The following DNAJC13 variants were observed in gnomAD, a reference collection of about 807,000 sequenced individuals.
The protein encoded by DNAJC13 is dnaJ homolog subfamily C member 13.
A neutral mutation model predicts 290.5 loss-of-function variants in DNAJC13; 75 were observed. The observed-to-expected ratio is 0.26, with a 90% CI of 0.21 to 0.31. DNAJC13 has a LOEUF of 0.31. Ranked by LOEUF, DNAJC13 falls within the 10% of genes least tolerant of loss-of-function variation. The pLI, the probability that DNAJC13 is intolerant of heterozygous loss-of-function variation, is 1.00. For synonymous variants in DNAJC13, 862 were observed against 892.0 expected (o/e 0.97, Z 0.60); for missense variants, 2,260 against 2,674.5 (o/e 0.85, Z 3.42).
chr3:132,483,641 G>T lies in DNAJC13; in HGVS notation c.3182+64G>T. 4.0e-6 allele frequency: 6 copies of T among 1,495,540 alleles called. No homozygotes were observed. In the South Asian group the frequency reaches 5.7e-5, roughly 14 times the overall value. 92.6% of individuals were successfully genotyped at this position (1,495,540 alleles called of 1,614,324 possible). Reference sequence around the variant, plus strand: ...GCTTCCTTAGTAACAGCATAGAATCGGTCTGGTGTTTTAAAACAAAGATGT... The same window carrying T: ...GCTTCCTTAGTAACAGCATAGAATCTGTCTGGTGTTTTAAAACAAAGATGT... On this transcript the variant is annotated intron_variant, in intron 28 of 55. Coordinates refer to ENST00000260818, the MANE Select transcript of DNAJC13 (RefSeq NM_015268.4).
At position 132,492,595 on chromosome 3, in the gene DNAJC13, G is replaced by C. The variant is rs1419768396; in HGVS notation, c.3805G>C (p.Asp1269His). ...ACTGTGTGATACACTCCGGTTTCCA[G>C]ATTGGCCAATTAAAGACCCGGTAAG... Reference protein sequence around the residue: ...KQLCDTLRFPDWPIKDPVKLL... With the variant: ...KQLCDTLRFPHWPIKDPVKLL... Residue 1269 changes from aspartate to histidine, a missense_variant, in exon 33 of 56, where the codon GAT (aspartate) becomes CAT (histidine). Asp to His is a moderately conservative substitution (Grantham distance 81). Around this residue, in one of 3 missense-constraint regions of DNAJC13, gnomAD observed 1,494 missense variants for 1,693.7 expected, o/e 0.88. Coordinates refer to ENST00000260818, the MANE Select transcript of DNAJC13 (RefSeq NM_015268.4). The C allele has an allele frequency of 6.2e-7, 1 of 1,613,524 alleles. No homozygotes were observed. The highest frequency in any genetic ancestry group is 1.7e-5 in the Admixed American group (1 of 59,978).
At chr3:132,433,545 G>A (rs915583344) in intron 1 of DNAJC13, among the ~76,000 whole-genome samples, 5 of 152,104 alleles carry the variant, frequency 3.3e-5, no homozygotes, top group African/African-American at 1.2e-4. Context: ...AGAATGGCTG[G>A]GGTTATAGGC....
intron 25 of DNAJC13, among the ~76,000 whole-genome samples, chr3:132,479,710 A>C (rs189843381): frequency 1.7e-3 from 255 of 152,138 alleles, no homozygotes; most frequent in African/African-American, 5.9e-3. Context: ...TAGTCATTTT[A>C]CTCTGTATTT....
rs3834794 is a variant in DNAJC13, at chr3:132,499,597, A to AT, written c.4342-135dup. 0.4 allele frequency: 323,322 copies of AT among 816,594 alleles called. 70,647 individuals carry two copies. Among genetic ancestry groups the AT allele is most frequent in the African/African-American group, 0.81 (45,921 of 56,664 alleles). The allele number at this position is 816,594 out of a possible 1,614,324, so 50.6% of individuals were successfully genotyped here. On this transcript the variant is annotated intron_variant, in intron 37 of 55. Coordinates refer to ENST00000260818, the MANE Select transcript of DNAJC13 (RefSeq NM_015268.4). ...TTTAGGAGTCCTTTGTTTACTATTT[A>AT]TTAACAAATGTTGATCAAACATTTA...
intron 1 of DNAJC13, among the ~76,000 whole-genome samples, chr3:132,418,672 T>A (rs1443606386): frequency 1.3e-5 from 2 of 152,240 alleles, no homozygotes; most frequent in Admixed American, 6.5e-5. Context: ...GCGTCCTCTA[T>A]GAAGGGCTTT....
chr3:132,462,884 T>C (rs1478015701), intron 16 of DNAJC13, among the ~76,000 whole-genome samples: 1 of 152,184 alleles, frequency 6.6e-6, no homozygotes. Context: ...TGGAGTTAGT[T>C]CATACCAAAA....
intron 1 of DNAJC13, among the ~76,000 whole-genome samples, 198 bp from the exon 2 acceptor site, chr3:132,434,340 C>CA: frequency 7.3e-6 from 1 of 137,868 alleles, no homozygotes; most frequent in South Asian, 2.1e-4. Flanking sequence ...GAGCAAAGAT[C>CA]GTGCCACTGC....
At chr3:132,419,935 G>T (rs1938906390) in intron 1 of DNAJC13, among the ~76,000 whole-genome samples, 1 of 152,066 alleles carries the variant, frequency 6.6e-6, no homozygotes, top group African/African-American at 2.4e-5. Flanking sequence ...AACTACCTCT[G>T]GCTTTGGCCC....
Position 132,492,516 on chromosome 3 carries a change from C to T in DNAJC13, c.3726C>T (p.Ile1242=), listed in dbSNP as rs1935089992. Residue 1242 remains isoleucine, a synonymous_variant, in exon 33 of 56, where the codon ATC becomes ATT. Coordinates refer to ENST00000260818, the MANE Select transcript of DNAJC13 (RefSeq NM_015268.4). The stretch of plus-strand genomic sequence containing the variant: ...ATCAGTATTGCCCCATTCCTATAAT[C>T]AACTATCCACAACTCGAAAATGAAC... The part of the protein sequence containing the change: ...ALYQYCPIPI[I]NYPQLENELF... The T allele has an allele frequency of 6.2e-7, 1 of 1,613,774 alleles. No individual in the cohort carries two copies.
At chr3:132,425,519 A>G (rs892540826) in intron 1 of DNAJC13, among the ~76,000 whole-genome samples, 2 of 152,090 alleles carry the variant, frequency 1.3e-5, no homozygotes, top group Non-Finnish European at 2.9e-5. Context: ...CCATCAATCC[A>G]TCTTATTTTT....
intron 51 of DNAJC13, 116 bp from the exon 52 acceptor site, chr3:132,525,494 A>T: frequency 9.9e-7 from 1 of 1,011,854 alleles, no homozygotes; most frequent in East Asian, 2.4e-5. Flanking sequence ...TCTGTTTTCA[A>T]GTATCAGCAC....
At chr3:132,526,438 CACAT>C (rs1243018577) in intron 53 of DNAJC13, among the ~76,000 whole-genome samples, 157 bp downstream of exon 53, 1 of 152,168 alleles carries the variant, frequency 6.6e-6, no homozygotes, top group South Asian at 2.1e-4. Flanking sequence ...TATATACAAA[CACAT>C]ACAGTAGTGT....
intron 36 of DNAJC13, 72 bp downstream of exon 36, chr3:132,496,735 A>T: frequency 8.3e-7 from 1 of 1,202,282 alleles, no homozygotes. Context: ...ATACCATATT[A>T]CCTGTTTCTA....
Position 132,499,042 on chromosome 3 carries a change from A to G in DNAJC13, c.4157-84A>G, listed in dbSNP as rs1935328995. ...CATTTTTATTTTTTTAAGGCAACAT[A>G]TTCTTGAACATGGTATCAAAATTGA... is the stretch of plus-strand genomic sequence containing the variant. On this transcript the variant is annotated intron_variant, in intron 36 of 55. Coordinates refer to ENST00000260818, the MANE Select transcript of DNAJC13 (RefSeq NM_015268.4). 1.3e-5 allele frequency: 17 copies of G among 1,266,396 alleles called. No individual in the cohort carries two copies. The South Asian group carries it at 2.6e-4, about 19-fold the overall frequency. 78.4% of individuals were successfully genotyped at this position (1,266,396 alleles called of 1,614,324 possible).
chr3:132,511,038 T>G (rs749150820), intron 43 of DNAJC13, 29 bp from the exon 44 acceptor site: 1 of 1,603,246 alleles, frequency 6.2e-7, no homozygotes, highest in South Asian at 1.1e-5. Flanking sequence ...GGCACCCATG[T>G]TGTTTAAATA....
intron 55 of DNAJC13, among the ~76,000 whole-genome samples, chr3:132,535,226 T>A (rs558344683): frequency 1.2e-4 from 18 of 152,346 alleles, no homozygotes; most frequent in African/African-American, 4.3e-4. Flanking sequence ...TACGTTTTCT[T>A]CTCTCTGGCT....
At chr3:132,424,800 G>C (rs896605834) in intron 1 of DNAJC13, among the ~76,000 whole-genome samples, 2 of 152,066 alleles carry the variant, frequency 1.3e-5, no homozygotes, top group Non-Finnish European at 2.9e-5. Context: ...AAATCTTTGT[G>C]ATGTATTTAT....
intron 54 of DNAJC13, among the ~76,000 whole-genome samples, chr3:132,530,752 G>T (rs985690583): frequency 6.6e-6 from 1 of 152,178 alleles, no homozygotes; most frequent in Non-Finnish European, 1.5e-5. Flanking sequence ...GGTAATTGTA[G>T]GTTCAAATAA....
At chr3:132,490,050 A>G (rs972019967) in intron 31 of DNAJC13, among the ~76,000 whole-genome samples, 2 of 152,222 alleles carry the variant, frequency 1.3e-5, no homozygotes, top group African/African-American at 4.8e-5. Flanking sequence ...TGAATTACCA[A>G]ATAATAGTAT....
Sources: allele counts gnomAD v4.1 joint callset (sites outside exome capture counted in the v4.1 genomes callset), GRCh38; gene constraint gnomAD v4.1.1; regional missense constraint gnomAD v4.1.1; transcripts MANE v1.5; gene names NCBI Gene and HGNC (gene_info 2026-07-23, HGNC 2026-07-21).